The following GSE1 variants were observed in gnomAD, a reference collection of about 807,000 sequenced individuals.
The protein encoded by GSE1 is Gse1 coiled-coil protein.
In GSE1, 32 loss-of-function variants were observed where a neutral mutation model predicts 112.6. That is an observed-to-expected ratio of 0.28 (90% CI 0.21 to 0.38). GSE1 has a LOEUF of 0.38. Ranked by LOEUF, GSE1 falls within the 10% of genes least tolerant of loss-of-function variation. The pLI, the probability that GSE1 is intolerant of heterozygous loss-of-function variation, is 1.00. For synonymous variants in GSE1, 1,115 were observed against 735.6 expected (o/e 1.52, Z -8.35); for missense variants, 2,348 against 1,699.2 (o/e 1.38, Z -6.71).
At chr16:85,455,299 G>T (rs1386151004) in intron 2 of GSE1, among the ~76,000 whole-genome samples, 2 of 152,064 alleles carry the variant, frequency 1.3e-5, no homozygotes, top group East Asian at 3.9e-4. Flanking sequence ...CGGGAGGATC[G>T]CTTGAGTTTG....
intron 1 of GSE1, among the ~76,000 whole-genome samples, chr16:85,585,098 A>G (rs1015752818): frequency 1.3e-5 from 2 of 152,238 alleles, no homozygotes; most frequent in African/African-American, 4.8e-5. Context: ...AAAGGTGAAA[A>G]AAAAAGGCGT....
At chr16:85,191,794 G>A (rs1248395629) in intron 1 of GSE1, among the ~76,000 whole-genome samples, 3 of 152,296 alleles carry the variant, frequency 2.0e-5, no homozygotes, top group Admixed American at 6.5e-5. Context: ...GATGCAACAC[G>A]TATGGGAGGT....
In GSE1 at chr16:85,412,978, G is replaced by A. The variant is rs571747830; in HGVS notation, c.2464+55335G>A. 2.0e-5 allele frequency among the ~76,000 whole-genome samples: 3 copies of A among 152,320 alleles called. No homozygotes were observed. In the South Asian group the frequency reaches 6.2e-4, roughly 32 times the overall value. ...AGCCATCGGCCCGGGTGCCTGTTCG[G>A]GTGCAGGTTATAATGCTGAGCCTTT... is the stretch of plus-strand genomic sequence containing the variant. On this transcript the variant is annotated intron_variant, in intron 2 of 2. Transcript: ENST00000637419.
rs954936928 is a variant in GSE1 at position 85,209,334 on chromosome 16, G to A, written c.2283+37527G>A. 2.6e-5 allele frequency among the ~76,000 whole-genome samples: 4 copies of A among 152,178 alleles called. No homozygotes were observed. The South Asian group carries it at 6.2e-4, about 24-fold the overall frequency. On this transcript the variant is annotated intron_variant, in intron 1 of 2. Coordinates refer to the GSE1 transcript ENST00000637419. Reference sequence around the variant, plus strand: ...ATAGCTGGCCAGGGCAACATCCTCCGTCCTTGTTCGTGACCTCGATGTGCA... The same window carrying A: ...ATAGCTGGCCAGGGCAACATCCTCCATCCTTGTTCGTGACCTCGATGTGCA...
chr16:85,300,382 G>A (rs1245616261), intron 1 of GSE1, among the ~76,000 whole-genome samples: 6 of 152,134 alleles, frequency 3.9e-5, no homozygotes, highest in East Asian at 1.9e-4. Context: ...AACTGTCACC[G>A]CCGTCTAGTT....
intron 2 of GSE1, among the ~76,000 whole-genome samples, chr16:85,526,215 G>GTGT (rs2052360381): frequency 6.6e-6 from 1 of 152,242 alleles, no homozygotes; most frequent in Non-Finnish European, 1.5e-5. Flanking sequence ...CTGTGTGCCA[G>GTGT]GCCCAGCTCC....
At chr16:85,557,820 CTG>C (rs532780235) in intron 1 of GSE1, among the ~76,000 whole-genome samples, 135 of 148,798 alleles carry the variant, frequency 9.1e-4, no homozygotes, top group African/African-American at 3.2e-3. Context: ...TGGAGGAAAT[CTG>C]TACTTTTACT....
intron 2 of GSE1, among the ~76,000 whole-genome samples, chr16:85,437,311 G>A (rs1267805768): frequency 6.6e-6 from 1 of 152,156 alleles, no homozygotes; most frequent in Non-Finnish European, 1.5e-5. Context: ...GAGGAGTGCC[G>A]AGGAGGCCTT....
intron 2 of GSE1, among the ~76,000 whole-genome samples, chr16:85,399,706 A>G (rs79444713): frequency 0.031 from 4,718 of 152,310 alleles, 252 homozygotes; most frequent in Admixed American, 0.14. Context: ...GGGATGCCGC[A>G]GACAGTGAAA....
Position 85,343,580 on chromosome 16 carries a change from C to A in GSE1, c.2284-13883C>A, listed in dbSNP as rs367858715. Among the ~76,000 whole-genome samples, 29 of 152,168 alleles carry A rather than the reference C, an allele frequency of 1.9e-4. No homozygotes were observed. The East Asian group carries it at 2.1e-3, about 11-fold the overall frequency. On this transcript the variant is annotated intron_variant, in intron 1 of 2. Transcript: ENST00000637419. ...CTTGGACAACATAGCCAGACCCCATCTCTACAAAAAATAAATAATTAGCAG... is the reference window on the plus strand; with the variant it reads ...CTTGGACAACATAGCCAGACCCCATATCTACAAAAAATAAATAATTAGCAG...
At chr16:85,508,393 A>G (rs1179739321) in intron 2 of GSE1, among the ~76,000 whole-genome samples, 2 of 152,248 alleles carry the variant, frequency 1.3e-5, no homozygotes, top group South Asian at 2.1e-4. Flanking sequence ...GGTAGCTTCT[A>G]CCTAGCCCCT....
chr16:85,357,269 G>T (rs2046969311), intron 1 of GSE1, among the ~76,000 whole-genome samples: 1 of 152,208 alleles, frequency 6.6e-6, no homozygotes, highest in South Asian at 2.1e-4. Flanking sequence ...GGCTTGCTGG[G>T]CAAGGAAGAC....
At chr16:85,372,829 C>A (rs767378052) in intron 2 of GSE1, among the ~76,000 whole-genome samples, 2 of 152,172 alleles carry the variant, frequency 1.3e-5, no homozygotes, top group African/African-American at 2.4e-5. Flanking sequence ...CCTCACCACA[C>A]CCTGGGAGGT....
intron 1 of GSE1, among the ~76,000 whole-genome samples, chr16:85,253,057 C>T (rs1906657717): frequency 1.6e-5 from 1 of 63,662 alleles, no homozygotes; most frequent in South Asian, 6.7e-4. Flanking sequence ...TAGGCGCCCC[C>T]GCCCCCCCCC....
At chr16:85,635,012 C>T (rs563354613) in intron 2 of GSE1, among the ~76,000 whole-genome samples, 19 of 152,276 alleles carry the variant, frequency 1.2e-4, no homozygotes, top group South Asian at 4.1e-4. Flanking sequence ...CCAAGGCCCA[C>T]GGGTTAAGAT....
chr16:85,230,077 A>G (rs952944569), intron 1 of GSE1, among the ~76,000 whole-genome samples: 1 of 152,336 alleles, frequency 6.6e-6, no homozygotes, highest in East Asian at 1.9e-4. Flanking sequence ...CTGCGTGGGC[A>G]GCTGAGTCCC....
At chr16:85,648,822 C>A in intron 3 of GSE1, 71 bp downstream of exon 3, 2 of 868,658 alleles carry the variant, frequency 2.3e-6, no homozygotes, top group Non-Finnish European at 3.5e-6. Flanking sequence ...CCATTGGGGG[C>A]TCTGGAGCTT....
intron 12 of GSE1, 28 bp from the exon 13 acceptor site, chr16:85,665,948 A>T: frequency 6.2e-7 from 1 of 1,610,168 alleles, no homozygotes; most frequent in East Asian, 2.2e-5. Flanking sequence ...GCATTTCTTA[A>T]TATTTTCCTT....
chr16:85,499,072 A>C (rs768250676), intron 2 of GSE1, among the ~76,000 whole-genome samples: 5 of 152,174 alleles, frequency 3.3e-5, no homozygotes, highest in Non-Finnish European at 7.3e-5. Flanking sequence ...CCAGATGGGA[A>C]GTGCAGAGGA....
Sources: allele counts gnomAD v4.1 joint callset (sites outside exome capture counted in the v4.1 genomes callset), GRCh38; gene constraint gnomAD v4.1.1; transcripts MANE v1.5; gene names NCBI Gene and HGNC (gene_info 2026-07-23, HGNC 2026-07-21).